The following ZNF574 variants were observed in gnomAD, a reference collection of about 807,000 sequenced individuals.
The protein encoded by ZNF574 is zinc finger protein 574.
In ZNF574, 25 loss-of-function variants were observed where a neutral mutation model predicts 56.6. The ratio of observed to expected loss-of-function variants is 0.44; its 90% CI spans 0.32 to 0.62. ZNF574 has a LOEUF of 0.62. Ranked by LOEUF, ZNF574 falls within the 20% of genes least tolerant of loss-of-function variation. The pLI is 0.04. For synonymous variants in ZNF574, 543 were observed against 492.1 expected, an observed-to-expected ratio of 1.10 and a Z score of -1.37; for missense variants, 1,065 against 1,218.9, an observed-to-expected ratio of 0.87 and a Z score of 1.88.
upstream of ZNF574, among the ~76,000 whole-genome samples, chr19:42,073,046 A>G (rs1379779426): frequency 1.3e-5 from 2 of 152,242 alleles, no homozygotes; most frequent in Non-Finnish European, 2.9e-5. Flanking sequence ...GCTTTAGCTC[A>G]CTAATTTCCA....
In ZNF574 at chr19:42,081,192, C is replaced by G. The variant is rs61732643; in HGVS notation, c.2586C>G (p.Ala862=). Residue 862 remains alanine (A), a synonymous_variant, in exon 2 of 2, where the codon GCC becomes GCG. Coordinates refer to ENST00000359044, the MANE Select transcript of ZNF574 (RefSeq NM_022752.6). Reference sequence around the variant, plus strand: ...AGCAGCTGGCAGAGGCGGAGGCTGCCGTTGGCCTGGCCGTCATGGAGACTG... The same window carrying G: ...AGCAGCTGGCAGAGGCGGAGGCTGCGGTTGGCCTGGCCGTCATGGAGACTG... The part of the protein sequence containing the change: ...VRQQLAEAEA[A]VGLAVMETAV... 4 of 1,614,000 alleles carry G rather than the reference C, an allele frequency of 2.5e-6. No homozygotes were observed. The highest frequency in any genetic ancestry group is 1.7e-5 in the Admixed American group (1 of 60,010).
Position 42,079,333 on chromosome 19 carries a change from G to A in ZNF574, c.727G>A (p.Glu243Lys), listed in dbSNP as rs768005688. 1 of 1,613,374 alleles carries A rather than the reference G, an allele frequency of 6.2e-7. No homozygotes were observed. ...QATHFPAPVPESQEPALQQEV... is the reference protein window; with the variant it reads ...QATHFPAPVPKSQEPALQQEV... Reference sequence around the variant, plus strand: ...CACTCACTTCCCTGCTCCTGTACCCGAGTCTCAGGAGCCTGCCTTACAGCA... The same window carrying A: ...CACTCACTTCCCTGCTCCTGTACCCAAGTCTCAGGAGCCTGCCTTACAGCA... The change falls in exon 2 of 2, where the codon GAG (glutamate) becomes AAG (lysine). Residue 243 changes from glutamate (E) to lysine (K), a missense_variant. By Grantham distance (56) the Glu-to-Lys change is moderately conservative. Transcript: ENST00000359044. This position sits in a 1 kb window ranked among gnomAD's most constrained non-coding sequence, Gnocchi z 4.3.
rs1270450922 is a variant in ZNF574, at chr19:42,080,034, A to C, written c.1428A>C (p.Gly476=). Residue 476 remains glycine, a synonymous_variant, in exon 2 of 2, where the codon GGA becomes GGC. Transcript: ENST00000359044. This position sits in a 1 kb window ranked among gnomAD's most constrained non-coding sequence, Gnocchi z 8.5. ...GCCTCCTGTGCAGCCGTGAATTTGG[A>C]AAGGCCTTGCAGCTGACCCGGCACC... is the stretch of plus-strand genomic sequence containing the variant. The part of the protein sequence containing the change: ...YRCLLCSREF[G]KALQLTRHQR... 3.1e-6 allele frequency: 5 copies of C among 1,613,916 alleles called. No individual in the cohort carries two copies. The highest frequency in any genetic ancestry group is 1.3e-5 in the African/African-American group (1 of 74,892).
At chr19:42,072,218 T>G (rs1192677500), upstream of ZNF574, among the ~76,000 whole-genome samples, 3 of 151,474 alleles carry the variant, frequency 2.0e-5, no homozygotes, top group Non-Finnish European at 4.4e-5. Flanking sequence ...TCCTCAAATT[T>G]TCTTTTTTTT....
Position 42,080,713 on chromosome 19 carries a change from C to T in ZNF574, c.2107C>T (p.Pro703Ser), listed in dbSNP as rs758142155. The T allele has an allele frequency of 2.4e-5, 38 of 1,613,382 alleles. No individual in the cohort carries two copies. Among genetic ancestry groups the T allele is most frequent in the Non-Finnish European group, 3.1e-5 (37 of 1,179,930 alleles). Residue 703 changes from proline (P) to serine (S), a missense_variant, in exon 2 of 2, where the codon CCT (proline) becomes TCT (serine). Transcript: ENST00000359044. This position sits in a 1 kb window ranked among gnomAD's most constrained non-coding sequence, Gnocchi z 8.5. The stretch of plus-strand genomic sequence containing the variant: ...TGGAGAGGTCCTGGCTAAGGAGCCC[C>T]CTGCCCCTCGAGCCCCACGGGCCAC... ...GPGEVLAKEP[P>S]APRAPRATRA...
upstream of ZNF574, among the ~76,000 whole-genome samples, chr19:42,072,425 A>T (rs2076430574): frequency 6.6e-6 from 1 of 151,336 alleles, no homozygotes; most frequent in Admixed American, 6.6e-5. Context: ...TTTAGTAGAG[A>T]CGGGGTTTCA....
chr19:42,068,596 G>C (rs2076374939), exon 1 of ZNF574: 2 of 416,540 alleles, frequency 4.8e-6, no homozygotes, highest in East Asian at 3.5e-5. Context: ...GAGGAGGACA[G>C]GTGAGCGGAG....
upstream of ZNF574, among the ~76,000 whole-genome samples, chr19:42,072,376 A>C (rs1240102495): frequency 2.7e-5 from 4 of 150,396 alleles, no homozygotes; most frequent in African/African-American, 9.8e-5. Flanking sequence ...CTGGTACTAC[A>C]GGCGCCCACC....
chr19:42,074,324 G>A (rs909999226), upstream of ZNF574, among the ~76,000 whole-genome samples: 15 of 149,952 alleles, frequency 1.0e-4, no homozygotes, highest in Non-Finnish European at 2.1e-4. Context: ...GCGTGGTGGC[G>A]AGCGCCTGTA....
rs2076476749 is a variant in ZNF574, at chr19:42,079,171, G to T, written c.565G>T (p.Gly189Cys). Residue 189 changes from glycine (G) to cysteine (C), a missense_variant, in exon 2 of 2, where the codon GGT becomes TGT. Coordinates refer to ENST00000359044, the MANE Select transcript of ZNF574 (RefSeq NM_022752.6). This position sits in a 1 kb window ranked among gnomAD's most constrained non-coding sequence, Gnocchi z 4.3. Reference protein sequence around the residue: ...VEHSYRKAEEGGEGATVPSAA... With the variant: ...VEHSYRKAEECGEGATVPSAA... ...GCACTCATACCGAAAGGCAGAAGAG[G>T]GTGGGGAAGGGGCGACTGTCCCATC... 6.2e-7 allele frequency: 1 copy of T among 1,613,834 alleles called. No homozygotes were observed. Among genetic ancestry groups the T allele is most frequent in the African/African-American group, 1.3e-5 (1 of 74,916 alleles).
chr19:42,069,667 G>A (rs775986852), intron 1 of ZNF574, among the ~76,000 whole-genome samples: 37 of 151,334 alleles, frequency 2.4e-4, no homozygotes, highest in Non-Finnish European at 4.6e-4. Flanking sequence ...GGGCCACAGG[G>A]GGCGAGGACT....
exon 1 of ZNF574, chr19:42,068,618 A>C: frequency 2.4e-6 from 1 of 425,308 alleles, no homozygotes; most frequent in South Asian, 6.9e-5. Context: ...CACAGAATAG[A>C]AAGAGAAATG....
chr19:42,079,187 C>G lies in ZNF574; in HGVS notation c.581C>G (p.Thr194Ser), dbSNP rs760574404. 5 of 1,613,944 alleles carry G rather than the reference C, an allele frequency of 3.1e-6. No homozygotes were observed. The highest frequency in any genetic ancestry group is 4.2e-6 in the Non-Finnish European group (5 of 1,180,026). ...GCAGAAGAGGGTGGGGAAGGGGCGA[C>G]TGTCCCATCTGCCGCTGCCACCACC... ...RKAEEGGEGA[T>S]VPSAAATTTE... The change falls in exon 2 of 2, where the codon ACT becomes AGT. Residue 194 changes from threonine (T) to serine (S), a missense_variant. Physicochemically the swap from Thr to Ser is moderately conservative, Grantham distance 58. Transcript: ENST00000359044. The surrounding 1 kb of genome is among the most constrained non-coding windows in gnomAD (Gnocchi z 4.3).
At chr19:42,078,368 G>T (rs1272783895) in intron 1 of ZNF574, among the ~76,000 whole-genome samples, 3 of 152,164 alleles carry the variant, frequency 2.0e-5, no homozygotes, top group African/African-American at 4.8e-5. Context: ...AGGTGAGACT[G>T]TGGGTAAATT....
At chr19:42,071,284 G>A (rs932769409), upstream of ZNF574, among the ~76,000 whole-genome samples, 3 of 134,280 alleles carry the variant, frequency 2.2e-5, no homozygotes, top group African/African-American at 8.2e-5. Flanking sequence ...GGTGGGTGGT[G>A]CATGGCTGGG....
rs1386324066 is a variant in ZNF574, at chr19:42,081,307, A to T, written c.*10A>T. 6.2e-7 allele frequency: 1 copy of T among 1,613,992 alleles called. No individual in the cohort carries two copies. Among genetic ancestry groups the T allele is most frequent in the African/African-American group, 1.3e-5 (1 of 74,992 alleles). On this transcript the variant is annotated 3_prime_UTR_variant, in exon 2 of 2. Coordinates refer to ENST00000359044, the MANE Select transcript of ZNF574 (RefSeq NM_022752.6). ...CCAGATCAGTGGCTGACTCTGCCCGACTTCCTCTTTGGCACCTCCATTCCC... is the reference window on the plus strand; with the variant it reads ...CCAGATCAGTGGCTGACTCTGCCCGTCTTCCTCTTTGGCACCTCCATTCCC...
At chr19:42,077,907 A>G (rs986293416) in intron 1 of ZNF574, among the ~76,000 whole-genome samples, 7 of 152,046 alleles carry the variant, frequency 4.6e-5, no homozygotes, top group African/African-American at 1.5e-4. Context: ...GGGTTAGGCC[A>G]GTGTGAGAAA....
chr19:42,078,867 A>G lies in ZNF574; in HGVS notation c.261A>G (p.Ser87=). 2 of 1,613,928 alleles carry G rather than the reference A, an allele frequency of 1.2e-6. No individual in the cohort carries two copies. The highest frequency in any genetic ancestry group is 1.7e-6 in the Non-Finnish European group (2 of 1,179,944). ...QCLECGQLLM[S]PSQLLEHQEL... is the part of the protein sequence containing the mutation. The stretch of plus-strand genomic sequence containing the variant: ...TGGAGTGTGGTCAACTGCTGATGTC[A>G]CCCAGCCAGCTCCTGGAGCACCAGG... Residue 87 remains serine, a synonymous_variant, in exon 2 of 2, where the codon TCA becomes TCG. Coordinates refer to ENST00000359044, the MANE Select transcript of ZNF574 (RefSeq NM_022752.6).
chr19:42,077,417 G>A (rs2076463518), intron 1 of ZNF574, among the ~76,000 whole-genome samples: 1 of 152,082 alleles, frequency 6.6e-6, no homozygotes, highest in South Asian at 2.1e-4. Flanking sequence ...ATGGGTTAGG[G>A]TGGGTTGGGT....
Sources: gnomAD v4.1 joint callset for allele counts (sites outside exome capture counted in the v4.1 genomes callset) on GRCh38, gnomAD v4.1.1 for gene constraint, Gnocchi (gnomAD v3.1) non-coding constraint, MANE v1.5 for transcripts, NCBI Gene and HGNC (gene_info 2026-07-23, HGNC 2026-07-21) for gene names.